Variants in KCNG3 observed in about 807,000 individuals in gnomAD.
KCNG3 encodes the protein voltage-gated potassium channel regulatory subunit KCNG3.
KCNG3 carries 15 observed loss-of-function variants against 29.0 expected under a neutral mutation model. That is an observed-to-expected ratio of 0.52 (90% CI 0.35 to 0.80). The LOEUF (loss-of-function observed/expected upper bound fraction) is 0.80, where lower values mean the gene tolerates loss of function less well. KCNG3 is among the 30% of genes least tolerant of loss of function. The probability of loss-of-function intolerance (pLI) is 0.01; values close to 1 mark genes in which losing one functional copy is unlikely to be tolerated. For synonymous variants in KCNG3, 322 were observed against 248.9 expected, an observed-to-expected ratio of 1.29 and a Z score of -2.76; for missense variants, 512 against 605.7, an observed-to-expected ratio of 0.85 and a Z score of 1.62.
the KCNG3 span, among the ~76,000 whole-genome samples, chr2:42,431,309 G>GC: frequency 1.3e-5 from 2 of 148,628 alleles, no homozygotes; most frequent in Non-Finnish European, 2.9e-5. Flanking sequence ...CTCTTTGAAA[G>GC]CTTTTTTTTT....
chr2:42,413,756 G>T, the KCNG3 span: 1 of 152,742 alleles, frequency 6.5e-6, no homozygotes, highest in Non-Finnish European at 1.5e-5. Context: ...GCAAGGAGAA[G>T]TGCCCTGCAA....
the KCNG3 span, among the ~76,000 whole-genome samples, chr2:42,432,781 A>G: frequency 6.6e-6 from 1 of 152,170 alleles, no homozygotes; most frequent in East Asian, 1.9e-4. Flanking sequence ...AAAAACCATC[A>G]ACAAGTACTT....
chr2:42,443,878 T>C lies in KCNG3; in HGVS notation c.*56A>G. 2.7e-6 allele frequency: 4 copies of C among 1,485,462 alleles called. No homozygotes were observed. Among genetic ancestry groups the C allele is most frequent in the South Asian group, 2.6e-5 (2 of 76,644 alleles). The allele number at this position is 1,485,462 out of a possible 1,614,324, so 92.0% of individuals were successfully genotyped here. On this transcript the variant is annotated 3_prime_UTR_variant, in exon 2 of 2. Coordinates refer to ENST00000306078, the MANE Select transcript of KCNG3 (RefSeq NM_133329.6). ...TCACCCAGCAAGAAACACATAAATA[T>C]GAAGCAGCATCAAAGTCTTTCTATG...
the KCNG3 span, among the ~76,000 whole-genome samples, chr2:42,402,770 C>T: frequency 3.9e-5 from 6 of 152,264 alleles, no homozygotes; most frequent in East Asian, 7.7e-4. Context: ...TTTGTTTATT[C>T]TGTATCAATA....
the KCNG3 span, among the ~76,000 whole-genome samples, chr2:42,409,035 G>A: frequency 4.6e-5 from 7 of 152,086 alleles, no homozygotes; most frequent in Non-Finnish European, 7.4e-5. Flanking sequence ...ACCTGGAGCT[G>A]CCCACCCCAC....
chr2:42,468,859 G>A (rs551588136), intron 1 of KCNG3, among the ~76,000 whole-genome samples: 1 of 149,052 alleles, frequency 6.7e-6, no homozygotes, highest in East Asian at 2.0e-4. Flanking sequence ...AGAGGCTGAG[G>A]CAGAGAATTG....
chr2:42,438,036 A>G (rs940943642), downstream of KCNG3, among the ~76,000 whole-genome samples: 1 of 152,068 alleles, frequency 6.6e-6, no homozygotes, highest in Non-Finnish European at 1.5e-5. Flanking sequence ...TATAAATATT[A>G]CTCTCTACTA....
intron 1 of KCNG3, among the ~76,000 whole-genome samples, chr2:42,446,656 C>CA (rs1360465007): frequency 6.6e-6 from 1 of 152,088 alleles, no homozygotes. Context: ...AAGAATTACT[C>CA]AAAGTGCATT....
intron 1 of KCNG3, among the ~76,000 whole-genome samples, chr2:42,450,650 G>A (rs748095221): frequency 3.2e-4 from 48 of 152,184 alleles, no homozygotes; most frequent in Middle Eastern, 3.2e-3. Flanking sequence ...ACTGACTGAT[G>A]CCTTTCAGTT....
In KCNG3 at chr2:42,477,384, T is replaced by TACACACACACACACACACAC. The variant is rs1210187032; in HGVS notation, c.665+15452_665+15453insGTGTGTGTGTGTGTGTGTGT. Among the ~76,000 whole-genome samples, 40 of 101,910 alleles carry TACACACACACACACACACAC rather than the reference T, an allele frequency of 3.9e-4. 1 individual carries two copies. In the East Asian group the frequency reaches 4.8e-3, roughly 12 times the overall value. 66.9% of individuals were successfully genotyped at this position (101,910 alleles called of 152,430 possible). A position where few individuals can be genotyped will look rare whatever the true frequency, so the allele number is the denominator to read the frequency against. ...ATATACATATATATACACACACATA[T>TACACACACACACACACACAC]ATATACACACACACACACACACACA... On this transcript the variant is annotated intron_variant, in intron 1 of 1. Transcript: ENST00000306078.
chr2:42,427,612 A>G, the KCNG3 span, among the ~76,000 whole-genome samples: 1 of 152,210 alleles, frequency 6.6e-6, no homozygotes, highest in Non-Finnish European at 1.5e-5. Context: ...CTCAAAAAAA[A>G]AAAAAAATTA....
intron 1 of KCNG3, among the ~76,000 whole-genome samples, chr2:42,448,048 T>C (rs1305644262): frequency 2.0e-5 from 3 of 152,228 alleles, no homozygotes; most frequent in East Asian, 1.9e-4. Context: ...TAAAGTATTG[T>C]TGAACTTGGA....
chr2:42,429,380 C>A, the KCNG3 span, among the ~76,000 whole-genome samples: 1 of 152,348 alleles, frequency 6.6e-6, no homozygotes, highest in East Asian at 1.9e-4. Flanking sequence ...GAGACTGCCA[C>A]AAATCAGCCA....
At chr2:42,424,980 G>A in the KCNG3 span, 1 of 152,118 alleles carries the variant, frequency 6.6e-6, no homozygotes, top group African/African-American at 2.4e-5. Flanking sequence ...TCACAGTTAA[G>A]TCCATCGACA....
At chr2:42,489,991 C>G (rs1392697242) in intron 1 of KCNG3, among the ~76,000 whole-genome samples, 4 of 152,224 alleles carry the variant, frequency 2.6e-5, no homozygotes, top group African/African-American at 7.2e-5. Flanking sequence ...AATCACAGAA[C>G]ACATGTACCA....
At chr2:42,447,806 G>C (rs1384492295) in intron 1 of KCNG3, among the ~76,000 whole-genome samples, 1 of 152,060 alleles carries the variant, frequency 6.6e-6, no homozygotes, top group African/African-American at 2.4e-5. Context: ...CAAAGCACTG[G>C]AATTACAGGC....
At chr2:42,388,403 T>C in the KCNG3 span, 1 of 152,210 alleles carries the variant, frequency 6.6e-6, no homozygotes, top group East Asian at 1.9e-4. Flanking sequence ...TGATATTCAC[T>C]ACAGAAAATA....
intron 1 of KCNG3, among the ~76,000 whole-genome samples, chr2:42,491,845 A>T (rs1396728522): frequency 6.6e-6 from 1 of 152,224 alleles, no homozygotes; most frequent in African/African-American, 2.4e-5. Flanking sequence ...ACAGGGCACA[A>T]CCTTAAATTT....
intron 1 of KCNG3, among the ~76,000 whole-genome samples, chr2:42,485,838 G>T (rs1047274576): frequency 6.6e-6 from 1 of 152,166 alleles, no homozygotes; most frequent in African/African-American, 2.4e-5. Context: ...ATAATACTCA[G>T]ATGTTACTAG....
Sources: allele counts gnomAD v4.1 joint callset (sites outside exome capture counted in the v4.1 genomes callset), GRCh38; gene constraint gnomAD v4.1.1; transcripts MANE v1.5; gene names NCBI Gene and HGNC (gene_info 2026-07-23, HGNC 2026-07-21).